The following SDK2 variants were observed in gnomAD, a reference collection of about 807,000 sequenced individuals.
SDK2 encodes sidekick cell adhesion molecule 2.
SDK2 carries 105 observed loss-of-function variants against 253.9 expected under a neutral mutation model. The observed-to-expected ratio is 0.41, with a 90% CI of 0.35 to 0.49. The LOEUF (loss-of-function observed/expected upper bound fraction) is 0.49, where lower values mean the gene tolerates loss of function less well. SDK2 is among the 20% of genes least tolerant of loss of function. The pLI is 0.06. For synonymous variants in SDK2, 1,249 were observed against 1,234.9 expected (o/e 1.01, Z -0.24); for missense variants, 2,608 against 3,003.0 (o/e 0.87, Z 3.07).
At chr17:73,538,651 CG>C (rs2044818888) in intron 1 of SDK2, among the ~76,000 whole-genome samples, 1 of 152,186 alleles carries the variant, frequency 6.6e-6, no homozygotes, top group African/African-American at 2.4e-5. Context: ...ACTGGGGATT[CG>C]GGGAGGGAAG....
chr17:73,427,540 A>G (rs1291252877), intron 12 of SDK2, among the ~76,000 whole-genome samples: 2 of 151,646 alleles, frequency 1.3e-5, no homozygotes, highest in Non-Finnish European at 2.9e-5. Context: ...GTCTTCTAGA[A>G]CCTGGTTTCT....
intron 1 of SDK2, among the ~76,000 whole-genome samples, chr17:73,607,536 G>A (rs894572766): frequency 2.6e-5 from 4 of 152,312 alleles, no homozygotes; most frequent in Non-Finnish European, 5.9e-5. Context: ...GGTCTCGGGT[G>A]GGAGAGCAGG....
intron 6 of SDK2, among the ~76,000 whole-genome samples, chr17:73,439,108 C>G (rs979678584): frequency 3.9e-5 from 6 of 152,080 alleles, no homozygotes; most frequent in African/African-American, 1.4e-4. Flanking sequence ...TCTGTTAGTT[C>G]ATGTGAGGGC....
intron 2 of SDK2, among the ~76,000 whole-genome samples, chr17:73,492,247 C>T (rs1292519415): frequency 2.0e-5 from 3 of 152,260 alleles, no homozygotes; most frequent in Non-Finnish European, 2.9e-5. Flanking sequence ...TTTAAGCCAC[C>T]GAGTGCTGAT....
At chr17:73,521,951 C>T (rs1032676770) in intron 1 of SDK2, among the ~76,000 whole-genome samples, 3 of 152,116 alleles carry the variant, frequency 2.0e-5, no homozygotes, top group Non-Finnish European at 2.9e-5. Context: ...CGTGCTGGTG[C>T]GTCAAGTGTA....
chr17:73,394,193 G>A lies in SDK2; in HGVS notation c.3708+16C>T, dbSNP rs1397506088. 2 of 1,489,462 alleles carry A rather than the reference G, an allele frequency of 1.3e-6. No homozygotes were observed. The allele number at this position is 1,489,462 out of a possible 1,614,324, so 92.3% of individuals were successfully genotyped here. On this transcript the variant is annotated intron_variant, in intron 26 of 44. Coordinates refer to ENST00000392650, the MANE Select transcript of SDK2 (RefSeq NM_001144952.2). ...GCCAGTGTAGGGACCCCACCTCCTG[G>A]GATCCCGGGACTCACCTTATAGCCC...
In SDK2 at chr17:73,604,482, C is replaced by T. The variant is rs183806767; in HGVS notation, c.64+39543G>A. Among the ~76,000 whole-genome samples the T allele has an allele frequency of 1.8e-3, 276 of 152,304 alleles. 1 individual carries two copies. The highest frequency in any genetic ancestry group is 6.4e-3 in the African/African-American group (265 of 41,570). ...CATGACACTTTACATCCCCAAAGGC[C>T]GGTGGGCAGCTGGCTTAAAGGAACA... is the stretch of plus-strand genomic sequence containing the variant. On this transcript the variant is annotated intron_variant, in intron 1 of 44. Coordinates refer to ENST00000392650, the MANE Select transcript of SDK2 (RefSeq NM_001144952.2).
intron 2 of SDK2, among the ~76,000 whole-genome samples, chr17:73,476,753 G>T (rs148930571): frequency 2.0e-5 from 3 of 152,276 alleles, no homozygotes; most frequent in African/African-American, 7.2e-5. Flanking sequence ...AAGTAGCGAG[G>T]ACTATGTCTA....
At chr17:73,634,075 G>A (rs2046301896) in intron 1 of SDK2, among the ~76,000 whole-genome samples, 1 of 152,166 alleles carries the variant, frequency 6.6e-6, no homozygotes, top group South Asian at 2.1e-4. Flanking sequence ...ATAATGACAG[G>A]TCTCAGCATC....
intron 2 of SDK2, among the ~76,000 whole-genome samples, chr17:73,477,007 A>AC (rs2063690867): frequency 6.6e-6 from 1 of 152,152 alleles, no homozygotes; most frequent in Non-Finnish European, 1.5e-5. Flanking sequence ...CTTGTAGGCA[A>AC]CATTATTTAA....
intron 1 of SDK2, among the ~76,000 whole-genome samples, chr17:73,606,856 T>A (rs1270923003): frequency 1.3e-5 from 2 of 152,058 alleles, no homozygotes; most frequent in Non-Finnish European, 2.9e-5. Flanking sequence ...GGGGTGCAGA[T>A]CAGGCGGAGG....
At chr17:73,517,116 C>A (rs1400543109) in intron 1 of SDK2, 1 of 152,160 alleles carries the variant, frequency 6.6e-6, no homozygotes, top group Non-Finnish European at 1.5e-5. Flanking sequence ...TTCTATAGCC[C>A]TGGCACTGGG....
chr17:73,557,484 T>G (rs897754260), intron 1 of SDK2, among the ~76,000 whole-genome samples: 4 of 152,050 alleles, frequency 2.6e-5, no homozygotes, highest in Non-Finnish European at 5.9e-5. Flanking sequence ...TGTATTTTTA[T>G]TAGAGATGGA....
At position 73,395,501 on chromosome 17, in the gene SDK2, C is replaced by A; in HGVS notation, c.3355-109G>T. ...CAGGGCGCCTTCAGGGCTATCCATCCCACTGTCACCCGGTCAGTGTCCACA... is the reference window on the plus strand; with the variant it reads ...CAGGGCGCCTTCAGGGCTATCCATCACACTGTCACCCGGTCAGTGTCCACA... On this transcript the variant is annotated intron_variant, in intron 24 of 44. Transcript: ENST00000392650. The surrounding 1 kb of genome is among the most constrained non-coding windows in gnomAD (Gnocchi z 4.3). 1.3e-6 allele frequency: 1 copy of A among 762,382 alleles called. No individual in the cohort carries two copies. 47.2% of individuals were successfully genotyped at this position (762,382 alleles called of 1,614,324 possible).
Position 73,511,673 on chromosome 17 carries a change from C to T in SDK2, c.65-4076G>A, listed in dbSNP as rs2145768734. 6.6e-6 allele frequency among the ~76,000 whole-genome samples: 1 copy of T among 152,254 alleles called. No homozygotes were observed. The highest frequency in any genetic ancestry group is 1.9e-4 in the East Asian group (1 of 5,172). On this transcript the variant is annotated intron_variant, in intron 1 of 44. Transcript: ENST00000392650. This position sits in a 1 kb window ranked among gnomAD's most constrained non-coding sequence, Gnocchi z 4.9. ...CCCCAAGCTCCTGCGGTGAAGTCAC[C>T]CCCTCCCGAAAGTCAACCTGCCCCC...
intron 1 of SDK2, among the ~76,000 whole-genome samples, chr17:73,561,254 C>G (rs907291496): frequency 6.6e-6 from 1 of 152,176 alleles, no homozygotes; most frequent in Non-Finnish European, 1.5e-5. Context: ...AGGGCCGATG[C>G]CTTCCACCCA....
chr17:73,618,537 T>A lies in SDK2; in HGVS notation c.64+25488A>T, dbSNP rs1317311271. Among the ~76,000 whole-genome samples the A allele has an allele frequency of 6.6e-6, 1 of 152,216 alleles. No homozygotes were observed. On this transcript the variant is annotated intron_variant, in intron 1 of 44. Coordinates refer to ENST00000392650, the MANE Select transcript of SDK2 (RefSeq NM_001144952.2). The surrounding 1 kb of genome is among the most constrained non-coding windows in gnomAD (Gnocchi z 4.1). Reference sequence around the variant, plus strand: ...AAAACCTACTGTATGCCCAGGACAGTGTGAGAAATGAGAGAGGAAAAAGGA... The same window carrying A: ...AAAACCTACTGTATGCCCAGGACAGAGTGAGAAATGAGAGAGGAAAAAGGA...
chr17:73,490,504 C>T lies in SDK2; in HGVS notation c.224+16934G>A, dbSNP rs552153955. 4.1e-5 allele frequency among the ~76,000 whole-genome samples: 6 copies of T among 146,194 alleles called. No homozygotes were observed. In the East Asian group the frequency reaches 1.2e-3, roughly 29 times the overall value. On this transcript the variant is annotated intron_variant, in intron 2 of 44. Coordinates refer to ENST00000392650, the MANE Select transcript of SDK2 (RefSeq NM_001144952.2). Reference sequence around the variant, plus strand: ...AAAATAGGAGTTGTAACAATACTTACTAATATGGGCCAGGCAGTGTTTTTT... The same window carrying T: ...AAAATAGGAGTTGTAACAATACTTATTAATATGGGCCAGGCAGTGTTTTTT...
At chr17:73,519,252 G>C (rs909496860) in intron 1 of SDK2, 1 of 152,260 alleles carries the variant, frequency 6.6e-6, no homozygotes. Flanking sequence ...GGCAGCCCCT[G>C]TTCCTCCTCT....
Sources: allele counts gnomAD v4.1 joint callset (sites outside exome capture counted in the v4.1 genomes callset), GRCh38; gene constraint gnomAD v4.1.1; non-coding constraint Gnocchi (gnomAD v3.1); transcripts MANE v1.5; gene names NCBI Gene and HGNC (gene_info 2026-07-23, HGNC 2026-07-21).